Variants in DCAF8 observed in about 807,000 individuals in gnomAD.
The protein encoded by DCAF8 is DDB1- and CUL4-associated factor 8.
Under a neutral mutation model 68.0 loss-of-function variants are expected in DCAF8, and 20 were observed. That is an observed-to-expected ratio of 0.29 (90% CI 0.21 to 0.43). DCAF8 has a LOEUF of 0.43. DCAF8 is among the 20% of genes least tolerant of loss of function. The pLI, the probability that DCAF8 is intolerant of heterozygous loss-of-function variation, is 1.00. For missense variants in DCAF8, 460 were observed against 771.0 expected, an observed-to-expected ratio of 0.60 and a Z score of 4.78; for synonymous variants, 230 against 276.9, an observed-to-expected ratio of 0.83 and a Z score of 1.68.
rs146260378 is a variant in DCAF8 at position 160,215,744 on chromosome 1, G to A, written c.*1848C>T. The A allele has an allele frequency of 0.01, 1,570 of 152,318 alleles. 11 individuals are homozygous for A. Among genetic ancestry groups the A allele is most frequent in the Middle Eastern group, 0.02 (6 of 296 alleles). 9.4% of individuals were successfully genotyped at this position (152,318 alleles called of 1,614,324 possible). A position where few individuals can be genotyped will look rare whatever the true frequency, so the allele number is the denominator to read the frequency against. On this transcript the variant is annotated 3_prime_UTR_variant, in exon 14 of 14. Transcript: ENST00000368074. The stretch of plus-strand genomic sequence containing the variant: ...GTCGGGAGAAGAAAAGCTTTACTGG[G>A]AGAAAATACAACAAATTCCAGAGTG...
chr1:160,231,613 TG>T (rs1243071937), intron 6 of DCAF8, among the ~76,000 whole-genome samples: 1 of 152,138 alleles, frequency 6.6e-6, no homozygotes, highest in East Asian at 1.9e-4. Flanking sequence ...CTTTGGGGAT[TG>T]GGGAAAAAAA....
At chr1:160,236,730 G>A (rs1655912354) in intron 6 of DCAF8, among the ~76,000 whole-genome samples, 2 of 152,096 alleles carry the variant, frequency 1.3e-5, no homozygotes, top group South Asian at 4.1e-4. Flanking sequence ...ACAGCTACCA[G>A]TATTTTTGTT....
chr1:160,227,424 T>C (rs916855421), intron 7 of DCAF8, among the ~76,000 whole-genome samples: 2 of 152,196 alleles, frequency 1.3e-5, no homozygotes, highest in African/African-American at 4.8e-5. Context: ...ACCACCATGC[T>C]GAGCTAATAT....
At position 160,239,874 on chromosome 1, in the gene DCAF8, A is replaced by T. The variant is rs201885969; in HGVS notation, c.546T>A (p.Arg182=). The part of the protein sequence containing the change: ...EACGARVFVQ[R]FRLQHGLEGH... The stretch of plus-strand genomic sequence containing the variant: ...CCTCAAGCCCATGCTGCAGGCGGAA[A>T]CGCTGCACAAAGACTCTTGCCCCAC... The change falls in exon 4 of 14, where the codon CGT becomes CGA. Residue 182 remains arginine, a synonymous_variant. Transcript: ENST00000368074. 6.2e-7 allele frequency: 1 copy of T among 1,614,262 alleles called. No individual in the cohort carries two copies. Among genetic ancestry groups the T allele is most frequent in the South Asian group, 1.1e-5 (1 of 91,088 alleles).
chr1:160,248,979 G>A (rs745611838), intron 2 of DCAF8, among the ~76,000 whole-genome samples: 2 of 151,820 alleles, frequency 1.3e-5, no homozygotes, highest in Non-Finnish European at 2.9e-5. Flanking sequence ...ATCACCTGAG[G>A]TCAGGAATTT....
At chr1:160,222,019 C>A (rs1655317810) in intron 11 of DCAF8, among the ~76,000 whole-genome samples, 1 of 152,116 alleles carries the variant, frequency 6.6e-6, no homozygotes, top group Admixed American at 6.5e-5. Context: ...AAACAATTGC[C>A]ACATTTGCGT....
chr1:160,247,378 T>G (rs148800813), intron 2 of DCAF8, among the ~76,000 whole-genome samples: 3 of 152,332 alleles, frequency 2.0e-5, no homozygotes, highest in East Asian at 3.9e-4. Context: ...AAGCCTTAAA[T>G]TTTTAACCAA....
chr1:160,233,155 AT>A (rs1233609652), intron 6 of DCAF8, among the ~76,000 whole-genome samples: 1 of 152,254 alleles, frequency 6.6e-6, no homozygotes, highest in Admixed American at 6.5e-5. Flanking sequence ...TAAAGAAATG[AT>A]TTTAGCATCC....
intron 2 of DCAF8, among the ~76,000 whole-genome samples, chr1:160,259,142 G>C (rs1379198186): frequency 6.6e-6 from 1 of 152,156 alleles, no homozygotes; most frequent in Non-Finnish European, 1.5e-5. Context: ...ATTTTCATGT[G>C]CCCTTGCCAA....
In DCAF8 at chr1:160,237,175, C is replaced by A. The variant is rs374705027; in HGVS notation, c.919G>T (p.Val307Phe). Residue 307 changes from valine to phenylalanine, a missense_variant, in exon 6 of 14, where the codon GTT (valine) becomes TTT (phenylalanine). By Grantham distance (50) the Val-to-Phe change is conservative. Around this residue, in one of 8 missense-constraint regions of DCAF8, gnomAD observed 170 missense variants for 318.2 expected, o/e 0.53. Transcript: ENST00000368074. ...TGTCTCAGGTCAATGGTGAAAACAACTGCATCTTCACCTGCAGATAAGAAC... is the reference window on the plus strand; with the variant it reads ...TGTCTCAGGTCAATGGTGAAAACAAATGCATCTTCACCTGCAGATAAGAAC... ...CTFLSAGEDA[V>F]VFTIDLRQDR... The A allele has an allele frequency of 1.3e-6, 2 of 1,578,348 alleles. No individual in the cohort carries two copies. Among genetic ancestry groups the A allele is most frequent in the East Asian group, 4.5e-5 (2 of 44,144 alleles).
intron 7 of DCAF8, among the ~76,000 whole-genome samples, chr1:160,229,840 G>A (rs1438042777): frequency 2.0e-5 from 3 of 152,146 alleles, no homozygotes; most frequent in East Asian, 1.9e-4. Context: ...TGGCTAACAC[G>A]GTGAGACCTC....
intron 7 of DCAF8, 143 bp downstream of exon 7, chr1:160,231,154 G>C (rs1655666021): frequency 4.6e-6 from 3 of 648,602 alleles, no homozygotes; most frequent in African/African-American, 1.8e-5. Flanking sequence ...AGGCGTGTAA[G>C]ATTTTTGGAA....
At chr1:160,226,026 TAG>T (rs1655461441) in intron 7 of DCAF8, among the ~76,000 whole-genome samples, 1 of 152,182 alleles carries the variant, frequency 6.6e-6, no homozygotes, top group Non-Finnish European at 1.5e-5. Flanking sequence ...GTATTTTTAG[TAG>T]AGACAGAGTT....
In DCAF8 at chr1:160,236,623, G is replaced by T. The variant is rs544702746; in HGVS notation, c.959+512C>A. ...TGCCTGGATCCAAACAAGATGTTGTGTTTTTTCTATGATACCACACAGTTA... is the reference window on the plus strand; with the variant it reads ...TGCCTGGATCCAAACAAGATGTTGTTTTTTTTCTATGATACCACACAGTTA... On this transcript the variant is annotated intron_variant, in intron 6 of 13. Coordinates refer to ENST00000368074, the MANE Select transcript of DCAF8 (RefSeq NM_015726.4). Among the ~76,000 whole-genome samples, 22 of 152,180 alleles carry T rather than the reference G, an allele frequency of 1.4e-4. No individual in the cohort carries two copies. The East Asian group carries it at 3.9e-3, about 27-fold the overall frequency.
chr1:160,226,370 C>T (rs1216751105), intron 7 of DCAF8, among the ~76,000 whole-genome samples: 1 of 152,134 alleles, frequency 6.6e-6, no homozygotes. Flanking sequence ...GACTCCCTCT[C>T]CTTTCCTCAT....
intron 7 of DCAF8, 127 bp from the exon 8 acceptor site, chr1:160,225,790 T>C (rs1171145556): frequency 1.4e-6 from 1 of 691,816 alleles, no homozygotes. Flanking sequence ...AACCAAGCTT[T>C]TGGTTTGTGC....
chr1:160,245,359 G>A (rs1480319517), intron 2 of DCAF8, among the ~76,000 whole-genome samples: 3 of 152,138 alleles, frequency 2.0e-5, no homozygotes, highest in Non-Finnish European at 2.9e-5. Flanking sequence ...GTATAATTAT[G>A]ACCCCAGTCC....
At chr1:160,218,272 G>T in intron 13 of DCAF8, 52 bp downstream of exon 13, 1 of 1,423,746 alleles carries the variant, frequency 7.0e-7, no homozygotes, top group Non-Finnish European at 9.9e-7. Flanking sequence ...GAACTTTTTA[G>T]CCCTCTTAAA....
In DCAF8 at chr1:160,217,657, G is replaced by C. The variant is rs1369107303; in HGVS notation, c.1729C>G (p.Pro577Ala). The C allele has an allele frequency of 1.2e-6, 2 of 1,614,030 alleles. No homozygotes were observed. The highest frequency in any genetic ancestry group is 2.7e-5 in the African/African-American group (2 of 74,934). Reference sequence around the variant, plus strand: ...TCGTCCGATGTGTCTGAGGAGCTGGGAGACTCATCAGAGTCCGCGTCTGTG... The same window carrying C: ...TCGTCCGATGTGTCTGAGGAGCTGGCAGACTCATCAGAGTCCGCGTCTGTG... Reference protein sequence around the residue: ...GATDADSDESPSSSDTSDEEE... With the variant: ...GATDADSDESASSSDTSDEEE... The change falls in exon 14 of 14, where the codon CCC becomes GCC. Residue 577 changes from proline (P) to alanine (A), a missense_variant. Coordinates refer to ENST00000368074, the MANE Select transcript of DCAF8 (RefSeq NM_015726.4).
Sources: allele counts gnomAD v4.1 joint callset (sites outside exome capture counted in the v4.1 genomes callset), GRCh38; gene constraint gnomAD v4.1.1; regional missense constraint gnomAD v4.1.1; transcripts MANE v1.5; gene names NCBI Gene and HGNC (gene_info 2026-07-23, HGNC 2026-07-21).